LRCH3: variants seen among roughly 807,000 people sequenced by gnomAD.
LRCH3 encodes the protein DISP complex protein LRCH3.
Under a neutral mutation model 104.5 loss-of-function variants are expected in LRCH3, and 68 were observed. The observed-to-expected ratio is 0.65, with a 90% CI of 0.54 to 0.80. LRCH3 has a LOEUF of 0.80. Among genes scored for constraint, LRCH3 ranks in the 30% least tolerant of loss-of-function variants. The pLI is 0.00. For missense variants in LRCH3, 951 were observed against 953.9 expected, an observed-to-expected ratio of 1.00 and a Z score of 0.04; for synonymous variants, 344 against 361.3, an observed-to-expected ratio of 0.95 and a Z score of 0.54.
intron 1 of LRCH3, among the ~76,000 whole-genome samples, chr3:197,806,020 G>A (rs532863492): frequency 4.0e-5 from 6 of 151,828 alleles, no homozygotes; most frequent in Admixed American, 2.6e-4. Context: ...TCTGCCTCCC[G>A]GGTTCAAGTG....
intron 20 of LRCH3, chr3:197,881,220 CTG>C (rs1443562628): frequency 1.2e-4 from 116 of 1,001,954 alleles, no homozygotes; most frequent in Non-Finnish European, 1.3e-4. Context: ...CTGCTTTGAA[CTG>C]TGTCCTGAGA....
In LRCH3 at chr3:197,879,583, T is replaced by C. The variant is rs113647565; in HGVS notation, c.2208+3808T>C. 4.2e-3 allele frequency among the ~76,000 whole-genome samples: 632 copies of C among 151,888 alleles called. 11 individuals carry two copies. Among genetic ancestry groups the C allele is most frequent in the Non-Finnish European group, 7.3e-3 (496 of 67,888 alleles). On this transcript the variant is annotated intron_variant, in intron 20 of 20. Transcript: ENST00000425562. ...ATGGCGGGAACCCGGGAGGCGGAGC[T>C]TGCAGTGAGCCGAGATCAGCGAGAC...
At chr3:197,817,775 A>G (rs1369780458) in intron 3 of LRCH3, among the ~76,000 whole-genome samples, 2 of 152,062 alleles carry the variant, frequency 1.3e-5, no homozygotes. Flanking sequence ...TTTAGACGCT[A>G]TCTCCCACTC....
At chr3:197,801,137 G>A (rs1731852597) in intron 1 of LRCH3, among the ~76,000 whole-genome samples, 1 of 150,720 alleles carries the variant, frequency 6.6e-6, no homozygotes, top group Admixed American at 6.6e-5. Context: ...ACTATATGCA[G>A]TTGCAGGAAT....
At position 197,791,459 on chromosome 3, in the gene LRCH3, G is replaced by A. The variant is rs200078781; in HGVS notation, c.181G>A (p.Val61Met). The A allele has an allele frequency of 1.2e-6, 2 of 1,600,278 alleles. No homozygotes were observed. Among genetic ancestry groups the A allele is most frequent in the African/African-American group, 1.3e-5 (1 of 74,158 alleles). Residue 61 changes from valine to methionine, a missense_variant, in exon 1 of 21, where the codon GTG becomes ATG. Val to Met is a conservative substitution (Grantham distance 21). Coordinates refer to ENST00000425562, the MANE Select transcript of LRCH3 (RefSeq NM_001365715.1). ...RALEEAAVTG[V>M]LSLSGRKLRE... ...CCTGGAGGAGGCGGCGGTCACTGGG[G>A]TGCTGAGCCTGAGCGGCCGGAAACT...
chr3:197,879,604 G>A (rs1227161232), intron 20 of LRCH3, among the ~76,000 whole-genome samples: 5 of 151,880 alleles, frequency 3.3e-5, no homozygotes, highest in Non-Finnish European at 7.4e-5. Context: ...CGAGATCAGC[G>A]AGACTCCGTC....
At chr3:197,833,963 C>CT (rs1456413243) in intron 8 of LRCH3, among the ~76,000 whole-genome samples, 1 of 152,172 alleles carries the variant, frequency 6.6e-6, no homozygotes, top group Non-Finnish European at 1.5e-5. Flanking sequence ...ACCTTTTCAT[C>CT]TTTTTTAGCT....
At chr3:197,821,331 T>G (rs1044968820) in intron 4 of LRCH3, among the ~76,000 whole-genome samples, 1 of 152,170 alleles carries the variant, frequency 6.6e-6, no homozygotes, top group Non-Finnish European at 1.5e-5. Context: ...TAAAAATGAT[T>G]AAACATTAAT....
At chr3:197,853,160 T>C (rs1418493207) in intron 13 of LRCH3, among the ~76,000 whole-genome samples, 1 of 152,156 alleles carries the variant, frequency 6.6e-6, no homozygotes, top group African/African-American at 2.4e-5. Context: ...TTAACCATTT[T>C]CCCTTTAAAA....
At chr3:197,848,651 A>G (rs545555326) in intron 12 of LRCH3, among the ~76,000 whole-genome samples, 1 of 152,310 alleles carries the variant, frequency 6.6e-6, no homozygotes, top group South Asian at 2.1e-4. Context: ...TGTAAACTCC[A>G]TGAAGGTAAG....
At chr3:197,858,352 G>C (rs1226379178) in intron 14 of LRCH3, among the ~76,000 whole-genome samples, 1 of 152,142 alleles carries the variant, frequency 6.6e-6, no homozygotes, top group Non-Finnish European at 1.5e-5. Context: ...GAGTTTCACA[G>C]AGGCAGAGAT....
chr3:197,879,547 G>GA (rs1291671379), intron 20 of LRCH3, among the ~76,000 whole-genome samples: 1 of 151,966 alleles, frequency 6.6e-6, no homozygotes, highest in Non-Finnish European at 1.5e-5. Flanking sequence ...TCGGGAGGCT[G>GA]AGGCGGGAGA....
At chr3:197,880,092 C>G (rs1293645095) in intron 20 of LRCH3, among the ~76,000 whole-genome samples, 3 of 151,224 alleles carry the variant, frequency 2.0e-5, no homozygotes, top group Non-Finnish European at 4.4e-5. Flanking sequence ...ACTACAGGCG[C>G]CCGCCACCAC....
intron 12 of LRCH3, among the ~76,000 whole-genome samples, chr3:197,849,195 C>T (rs564550516): frequency 3.3e-4 from 45 of 138,388 alleles, no homozygotes; most frequent in African/African-American, 1.2e-3. Context: ...GCCTAGGAAA[C>T]GGAGGTTGCA....
intron 20 of LRCH3, among the ~76,000 whole-genome samples, chr3:197,877,742 A>T (rs1713068418): frequency 6.6e-6 from 1 of 151,910 alleles, no homozygotes; most frequent in Non-Finnish European, 1.5e-5. Context: ...TCATTCTATT[A>T]TTTATTTTTT....
intron 12 of LRCH3, chr3:197,848,267 A>C (rs983857162): frequency 4.4e-5 from 18 of 409,492 alleles, no homozygotes; most frequent in Non-Finnish European, 7.5e-5. Context: ...CATTTCCTCA[A>C]TTTCTAGTGT....
At chr3:197,814,126 A>C (rs966447741) in intron 1 of LRCH3, among the ~76,000 whole-genome samples, 5 of 152,216 alleles carry the variant, frequency 3.3e-5, no homozygotes, top group Non-Finnish European at 5.9e-5. Flanking sequence ...ACAGACGTGA[A>C]ACTGGGAACA....
At chr3:197,875,844 T>C in intron 20 of LRCH3, 69 bp downstream of exon 20, 2 of 1,008,998 alleles carry the variant, frequency 2.0e-6, no homozygotes, top group Non-Finnish European at 3.0e-6. Flanking sequence ...GAAATGTAAA[T>C]CTCTAAAATC....
intron 9 of LRCH3, 76 bp downstream of exon 9, chr3:197,835,898 A>G (rs185719468): frequency 2.2e-5 from 33 of 1,471,096 alleles, no homozygotes; most frequent in African/African-American, 2.0e-4. Context: ...AAGTTTTGTT[A>G]TATCAGTGAT....
Sources: allele counts gnomAD v4.1 joint callset (sites outside exome capture counted in the v4.1 genomes callset), GRCh38; gene constraint gnomAD v4.1.1; transcripts MANE v1.5; gene names NCBI Gene and HGNC (gene_info 2026-07-23, HGNC 2026-07-21).